Variants in SLC17A8 observed in about 807,000 individuals in gnomAD.
SLC17A8 encodes solute carrier family 17 member 8.
In SLC17A8, 31 loss-of-function variants were observed where a neutral mutation model predicts 58.0. The ratio of observed to expected loss-of-function variants is 0.53; its 90% confidence interval spans 0.40 to 0.72. The LOEUF (loss-of-function observed/expected upper bound fraction) is 0.72, where lower values mean the gene tolerates loss of function less well. Ranked by LOEUF, SLC17A8 falls within the 30% of genes least tolerant of loss-of-function variation. The pLI is 0.00. For synonymous variants in SLC17A8, 228 were observed against 249.0 expected, an observed-to-expected ratio of 0.92 and a Z score of 0.79; for missense variants, 655 against 727.8, an observed-to-expected ratio of 0.90 and a Z score of 1.15.
chr12:100,412,294 C>T (rs1215397205), intron 9 of SLC17A8, among the ~76,000 whole-genome samples: 2 of 152,036 alleles, frequency 1.3e-5, no homozygotes, highest in Non-Finnish European at 2.9e-5. Flanking sequence ...AAGCACTGTA[C>T]CAGAATGTAG....
chr12:100,402,244 T>C lies in SLC17A8; in HGVS notation c.764-96T>C, dbSNP rs1199221149. 9.0e-6 allele frequency: 13 copies of C among 1,450,384 alleles called. No homozygotes were observed. In the East Asian group the frequency reaches 3.0e-4, roughly 34 times the overall value. 89.8% of individuals were successfully genotyped at this position (1,450,384 alleles called of 1,614,324 possible). On this transcript the variant is annotated intron_variant, in intron 6 of 11. Coordinates refer to ENST00000323346, the MANE Select transcript of SLC17A8 (RefSeq NM_139319.3). The stretch of plus-strand genomic sequence containing the variant: ...TGTTACAACATTGGTACATTACCCA[T>C]TTTACCTGAAAAAAATATATATGGT...
chr12:100,419,024 C>CT (rs988375371), intron 11 of SLC17A8, among the ~76,000 whole-genome samples: 2 of 151,986 alleles, frequency 1.3e-5, no homozygotes, highest in Admixed American at 6.6e-5. Flanking sequence ...TTTTGACATA[C>CT]TTTTTTTTAC....
intron 8 of SLC17A8, among the ~76,000 whole-genome samples, chr12:100,403,473 A>G (rs952725754): frequency 6.6e-6 from 1 of 152,138 alleles, no homozygotes; most frequent in Admixed American, 6.6e-5. Context: ...TGTCTAAAAA[A>G]AAAAAAGAAG....
At position 100,418,062 on chromosome 12, in the gene SLC17A8, G is replaced by A. The variant is rs753249566; in HGVS notation, c.1331G>A (p.Arg444His). ...FNVNHLDIAPRYASILMGISN... is the reference protein window; with the variant it reads ...FNVNHLDIAPHYASILMGISN... ...GTCAACCACCTGGACATTGCCCCAC[G>A]CTATGCCAGCATTCTCATGGGGATC... The change falls in exon 11 of 12, where the codon CGC becomes CAC. Residue 444 changes from arginine to histidine, a missense_variant. Arg to His is a conservative substitution (Grantham distance 29, BLOSUM62 0). Transcript: ENST00000323346. 3.7e-6 allele frequency: 6 copies of A among 1,613,972 alleles called. No homozygotes were observed. Among genetic ancestry groups the A allele is most frequent in the South Asian group, 1.1e-5 (1 of 91,082 alleles).
At chr12:100,415,048 A>G (rs1952896422) in intron 10 of SLC17A8, among the ~76,000 whole-genome samples, 1 of 152,224 alleles carries the variant, frequency 6.6e-6, no homozygotes, top group Admixed American at 6.5e-5. Flanking sequence ...GTTCCCAGAG[A>G]TACTGAAATG....
intron 6 of SLC17A8, 82 bp from the exon 7 acceptor site, chr12:100,402,258 A>G: frequency 2.0e-6 from 3 of 1,534,888 alleles, no homozygotes; most frequent in Non-Finnish European, 2.7e-6. Context: ...ACCTGAAAAA[A>G]ATATATATGG....
chr12:100,382,830 A>G (rs1303704925), intron 2 of SLC17A8, among the ~76,000 whole-genome samples: 1 of 152,158 alleles, frequency 6.6e-6, no homozygotes, highest in East Asian at 1.9e-4. Flanking sequence ...GGTTTGAGAA[A>G]ATTTGATTTC....
chr12:100,404,309 T>G, intron 9 of SLC17A8, 139 bp downstream of exon 9: 1 of 1,089,248 alleles, frequency 9.2e-7, no homozygotes, highest in Non-Finnish European at 1.4e-6. Context: ...CAGCAGACAC[T>G]TGAGTGTTGT....
intron 10 of SLC17A8, among the ~76,000 whole-genome samples, chr12:100,416,895 C>T (rs1305765010): frequency 6.6e-6 from 1 of 152,202 alleles, no homozygotes; most frequent in Non-Finnish European, 1.5e-5. Context: ...TCTAGGCTTG[C>T]ATCTCAACTA....
chr12:100,358,711 G>A (rs1221449637), intron 1 of SLC17A8, among the ~76,000 whole-genome samples: 2 of 152,104 alleles, frequency 1.3e-5, no homozygotes, highest in African/African-American at 2.4e-5. Flanking sequence ...TTATCCTTCC[G>A]TTGAGCACTC....
intron 10 of SLC17A8, 78 bp from the exon 11 acceptor site, chr12:100,417,951 G>T (rs1220155290): frequency 6.3e-7 from 1 of 1,580,524 alleles, no homozygotes. Flanking sequence ...GGTAAAGGCT[G>T]GGGCAACTGA....
chr12:100,397,234 G>C (rs114593180), intron 5 of SLC17A8, among the ~76,000 whole-genome samples: 1 of 152,198 alleles, frequency 6.6e-6, no homozygotes, highest in Non-Finnish European at 1.5e-5. Flanking sequence ...AGCATCCCAC[G>C]CCTCTTCTTT....
At position 100,421,341 on chromosome 12, in the gene SLC17A8, C is replaced by CA. The variant is rs1160506131; in HGVS notation, c.*1183dup. The CA allele has an allele frequency of 6.6e-6, 1 of 152,002 alleles. No individual in the cohort carries two copies. Among genetic ancestry groups the CA allele is most frequent in the Non-Finnish European group, 1.5e-5 (1 of 67,974 alleles). The allele number at this position is 152,002 out of a possible 1,614,324, so 9.4% of individuals were successfully genotyped here. A position where few individuals can be genotyped will look rare whatever the true frequency, so the allele number is the denominator to read the frequency against. ...ATTATGATTTTGTATCAAAAGTATT[C>CA]ATGATGACTCTATTTGGAATGATAT... On this transcript the variant is annotated 3_prime_UTR_variant, in exon 12 of 12. Coordinates refer to ENST00000323346, the MANE Select transcript of SLC17A8 (RefSeq NM_139319.3).
At chr12:100,392,484 A>G (rs1364390818) in intron 3 of SLC17A8, among the ~76,000 whole-genome samples, 3 of 152,230 alleles carry the variant, frequency 2.0e-5, no homozygotes, top group Non-Finnish European at 4.4e-5. Flanking sequence ...AGATCTAAAT[A>G]GGAATAAGCA....
rs771270860 is a variant in SLC17A8 at position 100,391,035 on chromosome 12, G to A, written c.389G>A (p.Gly130Asp). The change falls in exon 3 of 12, where the codon GGC (glycine) becomes GAC (aspartate). Residue 130 changes from glycine to aspartate, a missense_variant. By Grantham distance (94) the Gly-to-Asp change is moderately conservative. Coordinates refer to ENST00000323346, the MANE Select transcript of SLC17A8 (RefSeq NM_139319.3). ...AQFNWDPETV[G>D]LIHGSFFWGY... is the part of the protein sequence containing the mutation. Reference sequence around the variant, plus strand: ...TTTAACTGGGATCCAGAAACAGTGGGCCTTATCCATGGATCTTTTTTCTGG... The same window carrying A: ...TTTAACTGGGATCCAGAAACAGTGGACCTTATCCATGGATCTTTTTTCTGG... 9.0e-5 allele frequency: 145 copies of A among 1,613,520 alleles called. No homozygotes were observed. Among genetic ancestry groups the A allele is most frequent in the Non-Finnish European group, 6.3e-5 (74 of 1,179,648 alleles).
intron 1 of SLC17A8, among the ~76,000 whole-genome samples, chr12:100,369,737 G>T (rs1480259631): frequency 3.3e-5 from 5 of 152,182 alleles, no homozygotes; most frequent in Admixed American, 1.3e-4. Context: ...AAAATATCAA[G>T]AATTCATTAA....
chr12:100,419,774 T>G, intron 11 of SLC17A8, 41 bp from the exon 12 acceptor site: 1 of 1,593,054 alleles, frequency 6.3e-7, no homozygotes, highest in Non-Finnish European at 8.6e-7. Context: ...AATCTCTAGT[T>G]TTAGTTAAAA....
At chr12:100,372,086 T>A (rs1053272799) in intron 1 of SLC17A8, among the ~76,000 whole-genome samples, 3 of 152,194 alleles carry the variant, frequency 2.0e-5, no homozygotes, top group African/African-American at 7.2e-5. Flanking sequence ...CAACATGAGC[T>A]AAATGGGACC....
chr12:100,358,265 G>A (rs182336054), intron 1 of SLC17A8, among the ~76,000 whole-genome samples: 7 of 152,094 alleles, frequency 4.6e-5, no homozygotes, highest in Non-Finnish European at 8.8e-5. Flanking sequence ...TAAAATGACT[G>A]CTTTATCTCT....
Sources: gnomAD v4.1 joint callset for allele counts (sites outside exome capture counted in the v4.1 genomes callset) on GRCh38, gnomAD v4.1.1 for gene constraint, MANE v1.5 for transcripts, NCBI Gene and HGNC (gene_info 2026-07-23, HGNC 2026-07-21) for gene names.